Variants in TMEM132D observed in about 807,000 individuals in gnomAD.
TMEM132D encodes mature OL transmembrane protein.
TMEM132D carries 21 observed loss-of-function variants against 62.3 expected under a neutral mutation model. The ratio of observed to expected loss-of-function variants is 0.34; its 90% confidence interval spans 0.24 to 0.49. The LOEUF (loss-of-function observed/expected upper bound fraction) is 0.49. TMEM132D is among the 20% of genes least tolerant of loss of function. The pLI is 0.99. For missense variants in TMEM132D, 1,346 were observed against 1,402.8 expected (o/e 0.96, Z 0.65); for synonymous variants, 621 against 575.6 (o/e 1.08, Z -1.13).
chr12:129,843,771 C>T (rs994735353), intron 1 of TMEM132D, among the ~76,000 whole-genome samples: 1 of 152,178 alleles, frequency 6.6e-6, no homozygotes, highest in African/African-American at 2.4e-5. Flanking sequence ...TACCATCTAA[C>T]TGACCTCTCC....
chr12:129,088,581 C>T (rs370195955), intron 5 of TMEM132D, among the ~76,000 whole-genome samples: 2 of 38,298 alleles, frequency 5.2e-5, no homozygotes, highest in Admixed American at 2.5e-4. Flanking sequence ...GGGTGTCCTC[C>T]ATGACCGGGG....
At chr12:129,873,780 G>A (rs1309742108) in intron 1 of TMEM132D, among the ~76,000 whole-genome samples, 1 of 152,178 alleles carries the variant, frequency 6.6e-6, no homozygotes, top group Non-Finnish European at 1.5e-5. Flanking sequence ...AACACACAGA[G>A]AGAACTAGAG....
At chr12:129,493,742 A>C (rs971815118) in intron 3 of TMEM132D, among the ~76,000 whole-genome samples, 8 of 152,168 alleles carry the variant, frequency 5.3e-5, no homozygotes, top group Non-Finnish European at 1.2e-4. Flanking sequence ...TCCTGGAGGA[A>C]GCTGGGGCTG....
chr12:129,565,572 G>A (rs549980420), intron 2 of TMEM132D, among the ~76,000 whole-genome samples: 66 of 152,328 alleles, frequency 4.3e-4, no homozygotes, highest in African/African-American at 1.5e-3. Flanking sequence ...GAAAGCCCTT[G>A]GCTGAGAGGA....
chr12:129,694,953 A>G (rs1881166099), intron 2 of TMEM132D, among the ~76,000 whole-genome samples: 1 of 152,188 alleles, frequency 6.6e-6, no homozygotes, highest in South Asian at 2.1e-4. Flanking sequence ...GGTTGCAGTG[A>G]GCCGAGACCA....
At chr12:129,418,260 G>A (rs1010696091) in intron 3 of TMEM132D, among the ~76,000 whole-genome samples, 2 of 152,098 alleles carry the variant, frequency 1.3e-5, no homozygotes, top group African/African-American at 2.4e-5. Flanking sequence ...ACACATACAC[G>A]TGTATGTTAA....
intron 1 of TMEM132D, among the ~76,000 whole-genome samples, chr12:129,741,867 A>G (rs1162699262): frequency 6.6e-6 from 1 of 152,240 alleles, no homozygotes; most frequent in African/African-American, 2.4e-5. Flanking sequence ...TACACCAACT[A>G]GGGAGTCTTG....
Position 129,078,723 on chromosome 12 carries a change from G to C in TMEM132D, c.1926C>G (p.Ile642Met), listed in dbSNP as rs2135611635. The change falls in exon 8 of 9, where the codon ATC becomes ATG. Residue 642 changes from isoleucine (I) to methionine (M), a missense_variant and splice_region_variant. Physicochemically the swap from Ile to Met is conservative, Grantham distance 10. Transcript: ENST00000422113. Reference protein sequence around the residue: ...GQELGMTTIQILSPLSDTILA... With the variant: ...GQELGMTTIQMLSPLSDTILA... ...GGATGGTGTCTGACAGAGGAGACAG[G>C]ATCTGGAGGGCAGAAGCGACATGAC... 1 of 1,612,622 alleles carries C rather than the reference G, an allele frequency of 6.2e-7. No homozygotes were observed. The highest frequency in any genetic ancestry group is 8.5e-7 in the Non-Finnish European group (1 of 1,178,696).
chr12:129,234,999 A>T (rs755828504), intron 4 of TMEM132D, among the ~76,000 whole-genome samples: 20 of 152,198 alleles, frequency 1.3e-4, no homozygotes, highest in Non-Finnish European at 2.6e-4. Context: ...ATTAAAAGTG[A>T]CACAGTGAGC....
intron 1 of TMEM132D, chr12:129,854,587 T>C (rs893995543): frequency 4.6e-5 from 7 of 152,138 alleles, no homozygotes; most frequent in African/African-American, 7.2e-5. Flanking sequence ...AACATTGCAA[T>C]GAGAACGGCC....
At chr12:129,318,306 T>C (rs1868558204) in intron 4 of TMEM132D, among the ~76,000 whole-genome samples, 1 of 152,216 alleles carries the variant, frequency 6.6e-6, no homozygotes. Flanking sequence ...CTGAAGGCTG[T>C]TGTTCAGATT....
chr12:129,235,243 C>A (rs941722871), intron 4 of TMEM132D, among the ~76,000 whole-genome samples: 11 of 152,046 alleles, frequency 7.2e-5, no homozygotes, highest in African/African-American at 2.7e-4. Flanking sequence ...TTTTTTCCTT[C>A]TTCTAAGAGA....
intron 4 of TMEM132D, among the ~76,000 whole-genome samples, chr12:129,305,737 C>T (rs1466967776): frequency 3.3e-5 from 5 of 152,048 alleles, no homozygotes; most frequent in East Asian, 3.9e-4. Context: ...CATTAAGATG[C>T]GGATAATAGC....
In TMEM132D at chr12:129,094,497, C is replaced by T. The variant is rs186960243; in HGVS notation, c.1444-9795G>A. ...CCACAATGCGATACCATCTTACACC[C>T]GTTAGAATGGTGATCATTAAAAAGT... is the stretch of plus-strand genomic sequence containing the variant. On this transcript the variant is annotated intron_variant, in intron 5 of 8. Transcript: ENST00000422113. 5.3e-5 allele frequency among the ~76,000 whole-genome samples: 8 copies of T among 152,224 alleles called. 1 individual carries two copies. The highest frequency in any genetic ancestry group is 3.3e-4 in the Admixed American group (5 of 15,288).
intron 3 of TMEM132D, among the ~76,000 whole-genome samples, chr12:129,357,325 A>G (rs544168830): frequency 3.5e-4 from 53 of 150,024 alleles, no homozygotes; most frequent in Non-Finnish European, 7.3e-4. Flanking sequence ...GAAGGAGGGA[A>G]GGAAAGAAAA....
chr12:129,133,933 A>T (rs1876456873), intron 5 of TMEM132D, among the ~76,000 whole-genome samples: 1 of 152,216 alleles, frequency 6.6e-6, no homozygotes, highest in Non-Finnish European at 1.5e-5. Flanking sequence ...GCTACTGAAG[A>T]CCATCTCTGC....
intron 3 of TMEM132D, among the ~76,000 whole-genome samples, chr12:129,343,760 A>C (rs1044102840): frequency 5.2e-5 from 7 of 135,482 alleles, no homozygotes; most frequent in African/African-American, 1.8e-4. Context: ...AACAAAAAAA[A>C]CAAAAAAAAA....
chr12:129,895,818 T>A (rs1025167943), intron 1 of TMEM132D, among the ~76,000 whole-genome samples: 5 of 148,384 alleles, frequency 3.4e-5, no homozygotes, highest in Non-Finnish European at 4.5e-5. Context: ...TTTCCCCTAG[T>A]AAAAAAAAAA....
chr12:129,647,497 T>G (rs944473652), intron 2 of TMEM132D, among the ~76,000 whole-genome samples: 2 of 152,214 alleles, frequency 1.3e-5, no homozygotes, highest in Non-Finnish European at 2.9e-5. Context: ...GGAGGAAGGC[T>G]GCCTTCTGCT....
Sources: gnomAD v4.1 joint callset for allele counts (sites outside exome capture counted in the v4.1 genomes callset) on GRCh38, gnomAD v4.1.1 for gene constraint, MANE v1.5 for transcripts, NCBI Gene and HGNC (gene_info 2026-07-23, HGNC 2026-07-21) for gene names.